The following CCDC77 variants were observed in gnomAD, a reference collection of about 807,000 sequenced individuals.
The protein encoded by CCDC77 is coiled-coil domain containing 77, also known as coiled-coil domain-containing protein 77.
Under a neutral mutation model 66.8 loss-of-function variants are expected in CCDC77, and 56 were observed. That is an observed-to-expected ratio of 0.84 (90% CI 0.68 to 1.05). The LOEUF is 1.05. Ranked by LOEUF, CCDC77 falls within the 50% of genes least tolerant of loss-of-function variation. The pLI is 0.00. For missense variants in CCDC77, 570 were observed against 576.8 expected, an observed-to-expected ratio of 0.99 and a Z score of 0.12; for synonymous variants, 196 against 195.2, an observed-to-expected ratio of 1.00 and a Z score of -0.03.
intron 4 of CCDC77, among the ~76,000 whole-genome samples, chr12:416,021 G>T (rs1012314572): frequency 4.6e-5 from 7 of 151,834 alleles, no homozygotes; most frequent in Non-Finnish European, 1.0e-4. Flanking sequence ...GGCCAGGGTG[G>T]TCTTGAACGC....
intron 10 of CCDC77, 146 bp downstream of exon 10, chr12:438,700 G>C (rs1044503881): frequency 1.7e-6 from 1 of 604,610 alleles, no homozygotes; most frequent in African/African-American, 1.9e-5. Flanking sequence ...TCAAAGAGCA[G>C]CTGATCGTTG....
chr12:431,730 T>A (rs940063481), intron 7 of CCDC77, 136 bp from the exon 8 acceptor site: 2 of 589,226 alleles, frequency 3.4e-6, no homozygotes, highest in African/African-American at 3.8e-5. Context: ...TCCGAATCCC[T>A]TCATTAGTGA....
chr12:410,402 G>A (rs1342400868), intron 3 of CCDC77, among the ~76,000 whole-genome samples: 1 of 152,092 alleles, frequency 6.6e-6, no homozygotes, highest in Non-Finnish European at 1.5e-5. Context: ...CGAGTAGCTG[G>A]GATTACACAC....
In CCDC77 at chr12:418,497, A is replaced by C; in HGVS notation, c.274A>C (p.Lys92Gln). 1.9e-6 allele frequency: 3 copies of C among 1,614,038 alleles called. No homozygotes were observed. The highest frequency in any genetic ancestry group is 2.5e-6 in the Non-Finnish European group (3 of 1,179,970). The change falls in exon 5 of 13, where the codon AAA becomes CAA. Residue 92 changes from lysine to glutamine, a missense_variant. Physicochemically the swap from Lys to Gln is moderately conservative, Grantham distance 53. Transcript: ENST00000239830. Reference protein sequence around the residue: ...LYKEACEGQHKLECDLQQREE... With the variant: ...LYKEACEGQHQLECDLQQREE... Reference sequence around the variant, plus strand: ...TCTTATTGTGGTTTTTTTGCAGCATAAACTTGAATGTGATTTGCAGCAGAG... The same window carrying C: ...TCTTATTGTGGTTTTTTTGCAGCATCAACTTGAATGTGATTTGCAGCAGAG...
intron 5 of CCDC77, among the ~76,000 whole-genome samples, chr12:427,475 ATTT>A (rs71045060): frequency 1.0e-4 from 13 of 127,676 alleles, no homozygotes; most frequent in African/African-American, 1.7e-4. Flanking sequence ...TAATTAATTA[ATTT>A]TTTTTTTTTT....
chr12:410,890 G>C (rs959314960), intron 3 of CCDC77, among the ~76,000 whole-genome samples: 8 of 152,076 alleles, frequency 5.3e-5, no homozygotes, highest in Admixed American at 5.3e-4. Flanking sequence ...GTTACTACAT[G>C]GTCTCCCTTA....
At chr12:389,786 T>C (rs1025736621) in intron 1 of CCDC77, among the ~76,000 whole-genome samples, 6 of 152,224 alleles carry the variant, frequency 3.9e-5, no homozygotes, top group Non-Finnish European at 5.9e-5. Flanking sequence ...GCTGCGTTTA[T>C]AGCAAGTAGC....
intron 8 of CCDC77, among the ~76,000 whole-genome samples, 159 bp downstream of exon 8, chr12:432,113 GCT>G (rs781241119): frequency 1.2e-4 from 18 of 152,228 alleles, no homozygotes; most frequent in Middle Eastern, 6.8e-3. Context: ...ATTTCTAAGA[GCT>G]TATATTTTGA....
intron 1 of CCDC77, among the ~76,000 whole-genome samples, chr12:404,558 G>A (rs912413465): frequency 6.6e-6 from 1 of 151,724 alleles, no homozygotes. Flanking sequence ...GTTTGAGTCC[G>A]GGAGTTCAAG....
At chr12:431,829 G>C (rs774924448) in intron 7 of CCDC77, 37 bp from the exon 8 acceptor site, 2 of 1,392,176 alleles carry the variant, frequency 1.4e-6, no homozygotes, top group East Asian at 2.3e-5. Context: ...GAAAAGCTGA[G>C]TAAAATCTTC....
intron 10 of CCDC77, among the ~76,000 whole-genome samples, chr12:439,694 T>C (rs1945825648): frequency 6.7e-6 from 1 of 149,910 alleles, no homozygotes; most frequent in Admixed American, 6.7e-5. Flanking sequence ...GCAGGAGAAT[T>C]GCTTGAACCT....
At chr12:432,119 AT>A (rs748470557) in intron 8 of CCDC77, among the ~76,000 whole-genome samples, 165 bp downstream of exon 8, 18 of 152,308 alleles carry the variant, frequency 1.2e-4, no homozygotes, top group Middle Eastern at 6.8e-3. Context: ...AAGAGCTTAT[AT>A]TTTGAAACCA....
rs1294058736 is a variant in CCDC77, at chr12:428,799, TCTCTTGG to T, written c.451_457del (p.Ala151TrpfsTer8). 1 of 1,611,964 alleles carries T rather than the reference TCTCTTGG, an allele frequency of 6.2e-7. No individual in the cohort carries two copies. Among genetic ancestry groups the T allele is most frequent in the Admixed American group, 1.7e-5 (1 of 59,554 alleles). ...TAGAAGACAAGAAAAAGATTCAGAA[TCTCTTGG>T]CTCTTGTGGGAACAGATGCTGGAGA... On this transcript the variant is annotated frameshift_variant, in exon 6 of 13. Transcript: ENST00000239830. LOFTEE classifies it high-confidence loss of function.
intron 1 of CCDC77, chr12:389,616 G>T (rs957133948): frequency 5.9e-5 from 8 of 136,220 alleles, no homozygotes; most frequent in African/African-American, 2.1e-4. Flanking sequence ...CTTTCTTCCG[G>T]CGCGGAGGAA....
chr12:440,834 C>G lies in CCDC77; in HGVS notation c.1168-10C>G. On this transcript the variant is annotated splice_polypyrimidine_tract_variant and intron_variant, in intron 11 of 12. Coordinates refer to ENST00000239830, the MANE Select transcript of CCDC77 (RefSeq NM_032358.4). ...ACCTTCGTAAATGCCTTCCCATTCCCCATATTTAGGATCGCACTAACAAGA... is the reference window on the plus strand; with the variant it reads ...ACCTTCGTAAATGCCTTCCCATTCCGCATATTTAGGATCGCACTAACAAGA... 6.2e-7 allele frequency: 1 copy of G among 1,613,254 alleles called. No homozygotes were observed. Among genetic ancestry groups the G allele is most frequent in the Non-Finnish European group, 8.5e-7 (1 of 1,179,950 alleles).
chr12:415,054 T>G lies in CCDC77; in HGVS notation c.270+3076T>G, dbSNP rs115138022. On this transcript the variant is annotated intron_variant, in intron 4 of 12. Coordinates refer to ENST00000239830, the MANE Select transcript of CCDC77 (RefSeq NM_032358.4). ...GAATTACAGGGTAATTCATTCCATT[T>G]GGGCTCCTGGATAGCTTCAGGATGG... Among the ~76,000 whole-genome samples, 858 of 152,202 alleles carry G rather than the reference T, an allele frequency of 5.6e-3. 10 individuals carry two copies. Among genetic ancestry groups the G allele is most frequent in the African/African-American group, 0.02 (812 of 41,548 alleles).
In CCDC77 at chr12:442,506, G is replaced by A. The variant is rs1945875313; in HGVS notation, c.*586G>A. On this transcript the variant is annotated 3_prime_UTR_variant, in exon 13 of 13. Transcript: ENST00000239830. ...CGAAATGTCCATCTGGAAAGATTCG[G>A]GAGACACTTTGCCGAGGGGATGAAG... 1 of 152,188 alleles carries A rather than the reference G, an allele frequency of 6.6e-6. No homozygotes were observed. The highest frequency in any genetic ancestry group is 1.5e-5 in the Non-Finnish European group (1 of 68,046). 9.4% of individuals were successfully genotyped at this position (152,188 alleles called of 1,614,324 possible).
At chr12:406,052 G>A (rs1451215084) in intron 2 of CCDC77, among the ~76,000 whole-genome samples, 1 of 151,826 alleles carries the variant, frequency 6.6e-6, no homozygotes, top group Non-Finnish European at 1.5e-5. Context: ...TGTTTAACTA[G>A]GACTACAGAC....
chr12:435,424 C>T (rs1945733232), intron 9 of CCDC77, among the ~76,000 whole-genome samples: 1 of 152,260 alleles, frequency 6.6e-6, no homozygotes, highest in African/African-American at 2.4e-5. Flanking sequence ...ACCACAGGAT[C>T]ATCTTCAACT....
Sources: gnomAD v4.1 joint callset for allele counts (sites outside exome capture counted in the v4.1 genomes callset) on GRCh38, gnomAD v4.1.1 for gene constraint, MANE v1.5 for transcripts, NCBI Gene and HGNC (gene_info 2026-07-23, HGNC 2026-07-21) for gene names.